XPA: variants seen among roughly 807,000 people sequenced by gnomAD.
The protein encoded by XPA is DNA repair protein complementing XP-A cells.
XPA carries 27 observed loss-of-function variants against 35.7 expected under a neutral mutation model. That is an observed-to-expected ratio of 0.76 (90% CI 0.56 to 1.04). The LOEUF (loss-of-function observed/expected upper bound fraction) is 1.04, where lower values mean the gene tolerates loss of function less well. Among genes scored for constraint, XPA ranks in the 50% least tolerant of loss-of-function variants. The probability of loss-of-function intolerance (pLI) is 0.00; values close to 1 mark genes in which losing one functional copy is unlikely to be tolerated. For synonymous variants in XPA, 133 were observed against 118.4 expected, an observed-to-expected ratio of 1.12 and a Z score of -0.80; for missense variants, 354 against 342.7, an observed-to-expected ratio of 1.03 and a Z score of -0.26.
the XPA span, chr9:97,655,618 C>G: frequency 9.1e-7 from 1 of 1,100,806 alleles, no homozygotes; most frequent in Non-Finnish European, 1.3e-6. Flanking sequence ...CGGGTTTTAT[C>G]TGTTTGAAGG....
In XPA at chr9:97,675,315, CTTATACAAGGGT is replaced by C; in HGVS notation, c.*112_*123del. On this transcript the variant is annotated 3_prime_UTR_variant, in exon 6 of 6. Transcript: ENST00000375128. ...ATACATAATTATTACTGAAGTATTA[CTTATACAAGGGT>C]TTCATTCATCTATGAAGATGTTGCT... 3 of 1,072,826 alleles carry C rather than the reference CTTATACAAGGGT, an allele frequency of 2.8e-6. No individual in the cohort carries two copies. Among genetic ancestry groups the C allele is most frequent in the Non-Finnish European group, 4.0e-6 (3 of 742,060 alleles). The allele number at this position is 1,072,826 out of a possible 1,614,324, so 66.5% of individuals were successfully genotyped here.
rs1828666974 is a variant in XPA, at chr9:97,684,955, A to G, written c.641T>C (p.Met214Thr). The G allele has an allele frequency of 3.7e-6, 6 of 1,613,464 alleles. No homozygotes were observed. Among genetic ancestry groups the G allele is most frequent in the Non-Finnish European group, 5.1e-6 (6 of 1,179,702 alleles). The change falls in exon 5 of 6, where the codon ATG becomes ACG. Residue 214 changes from methionine to threonine, a missense_variant. Transcript: ENST00000375128. ...KEVRQENREKMKQKKFDKKVK... is the reference protein window; with the variant it reads ...KEVRQENREKTKQKKFDKKVK... ...TTTTTTATCAAATTTCTTCTGTTTC[A>G]TTTTTTCTCGGTTTTCCTGTCGGAC... is the stretch of plus-strand genomic sequence containing the variant.
chr9:97,656,005 C>CCT, the XPA span: 1 of 1,612,378 alleles, frequency 6.2e-7, no homozygotes, highest in Admixed American at 1.7e-5. Context: ...TACATTTCCT[C>CCT]CTTAGGTCAG....
At chr9:97,684,761 C>T (rs898553012) in intron 5 of XPA, among the ~76,000 whole-genome samples, 162 bp downstream of exon 5, 2 of 152,144 alleles carry the variant, frequency 1.3e-5, no homozygotes, top group African/African-American at 4.8e-5. Flanking sequence ...AGCTTAGTGC[C>T]TTGAAGACCA....
At chr9:97,681,629 A>T (rs1405977461) in intron 5 of XPA, among the ~76,000 whole-genome samples, 3 of 152,202 alleles carry the variant, frequency 2.0e-5, no homozygotes, top group African/African-American at 7.2e-5. Context: ...CCTTATCTCT[A>T]CCTTATTTAT....
chr9:97,655,961 G>A, the XPA span: 11 of 1,520,854 alleles, frequency 7.2e-6, no homozygotes, highest in Non-Finnish European at 8.2e-6. Context: ...ACAAATGGGT[G>A]TAAGTGCAGA....
chr9:97,669,738 C>T, the XPA span: 1 of 1,376,200 alleles, frequency 7.3e-7, no homozygotes. Flanking sequence ...GGTAATAACA[C>T]TATTCTCAGC....
the XPA span, among the ~76,000 whole-genome samples, chr9:97,663,266 AAT>A: frequency 4.6e-5 from 7 of 152,198 alleles, no homozygotes; most frequent in African/African-American, 1.4e-4. Context: ...ATAATATCTC[AAT>A]ATGTTTTAAA....
intron 5 of XPA, among the ~76,000 whole-genome samples, chr9:97,684,078 G>A (rs1382544272): frequency 6.6e-6 from 1 of 152,124 alleles, no homozygotes. Context: ...TTCTGTGATA[G>A]AGCACAAAGT....
chr9:97,684,838 G>T, intron 5 of XPA, 85 bp downstream of exon 5: 1 of 1,142,552 alleles, frequency 8.8e-7, no homozygotes, highest in Non-Finnish European at 1.3e-6. Flanking sequence ...ATCTATTGGT[G>T]ACATTAAACA....
At chr9:97,682,903 A>T (rs1203953674) in intron 5 of XPA, among the ~76,000 whole-genome samples, 9 of 152,132 alleles carry the variant, frequency 5.9e-5, no homozygotes, top group Admixed American at 2.0e-4. Flanking sequence ...AATTCTTATT[A>T]AAAAAAGCAT....
chr9:97,669,852 C>T, the XPA span: 1 of 711,252 alleles, frequency 1.4e-6, no homozygotes, highest in South Asian at 1.5e-5. Context: ...TACCATTGCT[C>T]ATCAGAATAT....
chr9:97,659,618 G>A, the XPA span, among the ~76,000 whole-genome samples: 6 of 152,318 alleles, frequency 3.9e-5, no homozygotes, highest in Non-Finnish European at 7.4e-5. Flanking sequence ...AAATTCAGGC[G>A]TAGGTGCACT....
Position 97,675,085 on chromosome 9 carries a change from C to T in XPA, c.*354G>A, listed in dbSNP as rs1213387694. ...TTGTTTCTTGGTTAAGAATCCAGTTCAGCCTTTGTTGAACCCTTTTCCCTC... is the reference window on the plus strand; with the variant it reads ...TTGTTTCTTGGTTAAGAATCCAGTTTAGCCTTTGTTGAACCCTTTTCCCTC... On this transcript the variant is annotated 3_prime_UTR_variant, in exon 6 of 6. Transcript: ENST00000375128. The T allele has an allele frequency of 1.9e-6, 1 of 539,452 alleles. No individual in the cohort carries two copies. The highest frequency in any genetic ancestry group is 2.2e-5 in the Admixed American group (1 of 45,200). The allele number at this position is 539,452 out of a possible 1,614,324, so 33.4% of individuals were successfully genotyped here.
At position 97,695,790 on chromosome 9, in the gene XPA, C is replaced by T. The variant is rs532541965; in HGVS notation, c.172+1331G>A. Among the ~76,000 whole-genome samples, 3 of 152,312 alleles carry T rather than the reference C, an allele frequency of 2.0e-5. No individual in the cohort carries two copies. In the South Asian group the frequency reaches 6.2e-4, roughly 32 times the overall value. On this transcript the variant is annotated intron_variant, in intron 1 of 5. Coordinates refer to ENST00000375128, the MANE Select transcript of XPA (RefSeq NM_000380.4). ...CAAAGATAAAAATCTCAGCACTTAC[C>T]TAACTCTTGAAACATGGTGGGTTGT...
intron 1 of XPA, 106 bp downstream of exon 1, chr9:97,697,015 G>A: frequency 7.3e-7 from 1 of 1,375,928 alleles, no homozygotes; most frequent in Non-Finnish European, 9.6e-7. Flanking sequence ...ACATACGCCA[G>A]CGGAGTTGAC....
At chr9:97,681,643 G>A (rs1828544064) in intron 5 of XPA, among the ~76,000 whole-genome samples, 1 of 152,158 alleles carries the variant, frequency 6.6e-6, no homozygotes, top group South Asian at 2.1e-4. Flanking sequence ...TATTTATAGA[G>A]TAGACATGCA....
At chr9:97,683,658 T>C (rs1296640007) in intron 5 of XPA, among the ~76,000 whole-genome samples, 4 of 152,190 alleles carry the variant, frequency 2.6e-5, no homozygotes, top group Admixed American at 2.6e-4. Flanking sequence ...GATGATTGTC[T>C]CTGAGTAGGA....
chr9:97,664,872 A>G, the XPA span, among the ~76,000 whole-genome samples: 1 of 152,212 alleles, frequency 6.6e-6, no homozygotes, highest in Non-Finnish European at 1.5e-5. Context: ...GGGATCCAGG[A>G]AAGCTTGGTG....
Sources: allele counts gnomAD v4.1 joint callset (sites outside exome capture counted in the v4.1 genomes callset), GRCh38; gene constraint gnomAD v4.1.1; transcripts MANE v1.5; gene names NCBI Gene and HGNC (gene_info 2026-07-23, HGNC 2026-07-21).